KCNH8: variants seen among roughly 807,000 people sequenced by gnomAD.
KCNH8 encodes voltage-gated delayed rectifier potassium channel KCNH8.
KCNH8 carries 70 observed loss-of-function variants against 103.6 expected under a neutral mutation model. That is an observed-to-expected ratio of 0.68 (90% CI 0.56 to 0.82). The LOEUF (loss-of-function observed/expected upper bound fraction) is 0.82, where lower values mean the gene tolerates loss of function less well. KCNH8 is among the 40% of genes least tolerant of loss of function. The pLI is 0.00. For missense variants in KCNH8, 1,217 were observed against 1,329.9 expected (o/e 0.92, Z 1.32); for synonymous variants, 498 against 489.4 (o/e 1.02, Z -0.23).
chr3:19,398,653 G>A (rs2066561168), intron 7 of KCNH8, among the ~76,000 whole-genome samples: 1 of 151,884 alleles, frequency 6.6e-6, no homozygotes, highest in African/African-American at 2.4e-5. Flanking sequence ...GTTTCACTCT[G>A]CTTCATTTTC....
At chr3:19,459,693 T>G (rs2067591056) in intron 11 of KCNH8, among the ~76,000 whole-genome samples, 1 of 152,140 alleles carries the variant, frequency 6.6e-6, no homozygotes, top group Non-Finnish European at 1.5e-5. Context: ...GTCATGGAGC[T>G]TTCCCCTATG....
In KCNH8 at chr3:19,235,294, A is replaced by G. The variant is rs141054907; in HGVS notation, c.77-18360A>G. Among the ~76,000 whole-genome samples the G allele has an allele frequency of 5.0e-4, 76 of 152,334 alleles. 1 individual carries two copies. In the East Asian group the frequency reaches 0.014, roughly 28 times the overall value. Reference sequence around the variant, plus strand: ...GTAACTTCAAAATAATCCATATAGAATGATACAATTTATGTAAATTTTACA... The same window carrying G: ...GTAACTTCAAAATAATCCATATAGAGTGATACAATTTATGTAAATTTTACA... On this transcript the variant is annotated intron_variant, in intron 1 of 15. Coordinates refer to ENST00000328405, the MANE Select transcript of KCNH8 (RefSeq NM_144633.3).
chr3:19,205,815 A>AT (rs1427337772), intron 1 of KCNH8, among the ~76,000 whole-genome samples: 1 of 151,850 alleles, frequency 6.6e-6, no homozygotes, highest in African/African-American at 2.4e-5. Flanking sequence ...GGAAATTATT[A>AT]TTTATTTTTT....
intron 11 of KCNH8, among the ~76,000 whole-genome samples, chr3:19,459,070 A>C (rs972437122): frequency 6.6e-6 from 1 of 152,042 alleles, no homozygotes; most frequent in Non-Finnish European, 1.5e-5. Context: ...GGGAGTGCAT[A>C]TATCTCTTTA....
intron 3 of KCNH8, among the ~76,000 whole-genome samples, chr3:19,340,337 TTTTTTTTA>T (rs1422765055): frequency 8.9e-6 from 1 of 112,144 alleles, no homozygotes; most frequent in Admixed American, 8.2e-5. Flanking sequence ...ATTCAATTTA[TTTTTTTTA>T]TTTTTTTTTT....
Position 19,533,997 on chromosome 3 carries a change from G to A in KCNH8, c.3222G>A (p.Gln1074=). ...AAAACTTACCAGGATCTTGGAACCA[G>A]GAAGGAATGGCATCAGCTTCTACAA... The part of the protein sequence containing the change: ...SLENLPGSWN[Q]EGMASASTKP... The change falls in exon 16 of 16, where the codon CAG becomes CAA. Residue 1074 remains glutamine, a synonymous_variant. Coordinates refer to ENST00000328405, the MANE Select transcript of KCNH8 (RefSeq NM_144633.3). 6.2e-7 allele frequency: 1 copy of A among 1,614,146 alleles called. No homozygotes were observed. The highest frequency in any genetic ancestry group is 8.5e-7 in the Non-Finnish European group (1 of 1,180,010).
At chr3:19,344,638 T>TC (rs1346990599) in intron 4 of KCNH8, among the ~76,000 whole-genome samples, 20 of 152,096 alleles carry the variant, frequency 1.3e-4, no homozygotes, top group African/African-American at 4.8e-4. Context: ...GATAACATAG[T>TC]AGAATGGCTA....
At chr3:19,201,662 G>A (rs1416644885) in intron 1 of KCNH8, among the ~76,000 whole-genome samples, 1 of 151,704 alleles carries the variant, frequency 6.6e-6, no homozygotes, top group Non-Finnish European at 1.5e-5. Context: ...CACTAACCTG[G>A]GCCCCCCACC....
At chr3:19,508,008 G>T (rs528050843) in intron 11 of KCNH8, among the ~76,000 whole-genome samples, 1 of 152,272 alleles carries the variant, frequency 6.6e-6, no homozygotes, top group African/African-American at 2.4e-5. Context: ...GATCATTCGG[G>T]TTTTGCTTTT....
chr3:19,473,252 A>G (rs2067901314), intron 11 of KCNH8, among the ~76,000 whole-genome samples: 2 of 152,240 alleles, frequency 1.3e-5, no homozygotes, highest in South Asian at 4.1e-4. Context: ...TTCTGGAATA[A>G]CATTCAGTTT....
chr3:19,266,699 T>A (rs147652652), intron 2 of KCNH8, among the ~76,000 whole-genome samples: 1,846 of 152,242 alleles, frequency 0.012, 19 homozygotes, highest in Non-Finnish European at 0.021. Context: ...TCTTGCTGTT[T>A]CAATTGAAGC....
At chr3:19,255,542 T>G (rs1046000218) in intron 2 of KCNH8, among the ~76,000 whole-genome samples, 1 of 152,098 alleles carries the variant, frequency 6.6e-6, no homozygotes, top group Non-Finnish European at 1.5e-5. Flanking sequence ...CGTCTTGTGC[T>G]GGTTTTCAAG....
chr3:19,490,066 T>C (rs1008118580), intron 11 of KCNH8, among the ~76,000 whole-genome samples: 2 of 152,184 alleles, frequency 1.3e-5, no homozygotes, highest in Admixed American at 6.5e-5. Flanking sequence ...TGACGAGGCG[T>C]TCCACCAGGG....
chr3:19,361,921 A>C (rs1395335347), intron 5 of KCNH8, among the ~76,000 whole-genome samples: 1 of 152,110 alleles, frequency 6.6e-6, no homozygotes, highest in Non-Finnish European at 1.5e-5. Context: ...AAAGGGAGGG[A>C]AAGTAAGAAG....
intron 1 of KCNH8, among the ~76,000 whole-genome samples, chr3:19,205,545 G>C (rs748332367): frequency 6.6e-6 from 1 of 151,946 alleles, no homozygotes; most frequent in Admixed American, 6.6e-5. Flanking sequence ...TCAAGCAAGG[G>C]GGTATAGTTA....
chr3:19,450,639 T>C (rs1254441502), intron 9 of KCNH8: 1 of 321,478 alleles, frequency 3.1e-6, no homozygotes, highest in Non-Finnish European at 5.8e-6. Context: ...CAAGTTTCTG[T>C]TTCCCTTAAC....
At chr3:19,376,134 G>T (rs1043150098) in intron 5 of KCNH8, among the ~76,000 whole-genome samples, 1 of 151,230 alleles carries the variant, frequency 6.6e-6, no homozygotes, top group Non-Finnish European at 1.5e-5. Context: ...CACCCAGTTC[G>T]AGCGTCCAGG....
At chr3:19,348,644 A>T (rs1034935598) in intron 5 of KCNH8, among the ~76,000 whole-genome samples, 29 of 151,962 alleles carry the variant, frequency 1.9e-4, no homozygotes, top group African/African-American at 6.5e-4. Context: ...TCATTCTAGG[A>T]CAGATTCCGG....
intron 1 of KCNH8, among the ~76,000 whole-genome samples, chr3:19,199,959 C>T (rs1043297551): frequency 6.6e-6 from 1 of 152,006 alleles, no homozygotes; most frequent in South Asian, 2.1e-4. Context: ...TTAAACTGCT[C>T]GGCTATAAAT....
Sources: gnomAD v4.1 joint callset for allele counts (sites outside exome capture counted in the v4.1 genomes callset) on GRCh38, gnomAD v4.1.1 for gene constraint, MANE v1.5 for transcripts, NCBI Gene and HGNC (gene_info 2026-07-23, HGNC 2026-07-21) for gene names.